TRMT9B: variants seen among roughly 807,000 people sequenced by gnomAD.
The protein encoded by TRMT9B is tRNA methyltransferase 9B (putative).
In TRMT9B, 16 loss-of-function variants were observed where a neutral mutation model predicts 11.5. The observed-to-expected ratio is 1.39, with a 90% confidence interval of 0.94 to 2.11. The LOEUF (loss-of-function observed/expected upper bound fraction) is 2.11. Among genes scored for constraint, TRMT9B ranks in the 30% most tolerant of loss-of-function variants. The pLI, the probability that TRMT9B is intolerant of heterozygous loss-of-function variation, is 0.00. For synonymous variants in TRMT9B, 274 were observed against 192.4 expected (o/e 1.42, Z -3.51); for missense variants, 941 against 553.8 (o/e 1.70, Z -7.02).
intron 1 of TRMT9B, among the ~76,000 whole-genome samples, chr8:12,962,361 A>G (rs1802237153): frequency 6.6e-6 from 1 of 152,184 alleles, no homozygotes; most frequent in Non-Finnish European, 1.5e-5. Flanking sequence ...ATAATTTATG[A>G]TCTCTTGTCT....
At chr8:12,978,393 A>G (rs1224795572) in intron 1 of TRMT9B, among the ~76,000 whole-genome samples, 1 of 152,120 alleles carries the variant, frequency 6.6e-6, no homozygotes, top group African/African-American at 2.4e-5. Flanking sequence ...ATATTTTCCA[A>G]CTTTCTCTAA....
chr8:13,009,817 A>G (rs1811251021), intron 3 of TRMT9B, among the ~76,000 whole-genome samples: 1 of 152,050 alleles, frequency 6.6e-6, no homozygotes, highest in Non-Finnish European at 1.5e-5. Flanking sequence ...TGTTTGCTGT[A>G]TTTTGCCGCT....
chr8:12,952,202 G>A (rs776616456), intron 1 of TRMT9B: 2 of 452,374 alleles, frequency 4.4e-6, no homozygotes, highest in Middle Eastern at 3.3e-4. Context: ...GAAAGCGCCG[G>A]CGACCGGAGC....
At chr8:13,002,199 T>G (rs1202059462) in intron 2 of TRMT9B, among the ~76,000 whole-genome samples, 1 of 152,228 alleles carries the variant, frequency 6.6e-6, no homozygotes, top group African/African-American at 2.4e-5. Flanking sequence ...CTACAAATTC[T>G]GAGCTTGAAA....
chr8:12,953,939 TC>T (rs1563303116), intron 1 of TRMT9B, among the ~76,000 whole-genome samples: 2 of 152,372 alleles, frequency 1.3e-5, no homozygotes, highest in East Asian at 3.9e-4. Context: ...ACACTCTTTT[TC>T]TAACTCCAAA....
At chr8:12,982,095 C>T (rs1168295816) in intron 1 of TRMT9B, among the ~76,000 whole-genome samples, 1 of 152,184 alleles carries the variant, frequency 6.6e-6, no homozygotes, top group Non-Finnish European at 1.5e-5. Flanking sequence ...ATCTATCTGT[C>T]TACATACCTC....
At chr8:12,995,801 A>G (rs1808234527) in intron 2 of TRMT9B, among the ~76,000 whole-genome samples, 1 of 152,138 alleles carries the variant, frequency 6.6e-6, no homozygotes, top group Non-Finnish European at 1.5e-5. Flanking sequence ...GCTTTTAAAT[A>G]TTATAACATT....
At position 13,022,012 on chromosome 8, in the gene TRMT9B, ATCATTGC is replaced by A; in HGVS notation, c.1334_1340del (p.Ile445LysfsTer20). 1 of 1,604,844 alleles carries A rather than the reference ATCATTGC, an allele frequency of 6.2e-7. No homozygotes were observed. The highest frequency in any genetic ancestry group is 1.7e-5 in the Admixed American group (1 of 58,210). On this transcript the variant is annotated frameshift_variant, in exon 5 of 5. Coordinates refer to ENST00000524591, the MANE Select transcript of TRMT9B (RefSeq NM_020844.3). LOFTEE classifies it high-confidence loss of function. ...TGGGAATGATCATGGTAACTGGTGT[ATCATTGC>A]AGAGAAAAAGAGAGGTTGTGATTGA... is the stretch of plus-strand genomic sequence containing the variant.
chr8:12,973,552 T>A lies in TRMT9B; in HGVS notation c.-199-17282T>A, dbSNP rs188792435. The stretch of plus-strand genomic sequence containing the variant: ...CTGAAGAGAGAACAAAGGCACTTGT[T>A]TTCCTTGGACTAGATGTGGGCCACG... On this transcript the variant is annotated intron_variant, in intron 1 of 4. Transcript: ENST00000524591. Among the ~76,000 whole-genome samples the A allele has an allele frequency of 6.6e-5, 10 of 152,306 alleles. No individual in the cohort carries two copies. In the East Asian group the frequency reaches 1.9e-3, roughly 29 times the overall value.
At chr8:12,984,362 C>T (rs1000834921) in intron 1 of TRMT9B, among the ~76,000 whole-genome samples, 3 of 152,160 alleles carry the variant, frequency 2.0e-5, no homozygotes, top group Admixed American at 2.0e-4. Context: ...AATTGTGTTA[C>T]ACTAATATAT....
chr8:13,001,451 G>C (rs1275398673), intron 2 of TRMT9B, among the ~76,000 whole-genome samples: 2 of 152,154 alleles, frequency 1.3e-5, no homozygotes, highest in Non-Finnish European at 1.5e-5. Context: ...CATACTTTTA[G>C]TCTTTTTATA....
chr8:13,000,554 C>T (rs903865604), intron 2 of TRMT9B, among the ~76,000 whole-genome samples: 4 of 152,142 alleles, frequency 2.6e-5, no homozygotes, highest in Admixed American at 1.3e-4. Flanking sequence ...ACATCAACTT[C>T]CCCCAGCAAA....
At chr8:12,947,163 C>A (rs768421096) in intron 1 of TRMT9B, among the ~76,000 whole-genome samples, 4 of 152,102 alleles carry the variant, frequency 2.6e-5, no homozygotes, top group Non-Finnish European at 5.9e-5. Flanking sequence ...CCTTTAAAAC[C>A]AATGAGGCCA....
intron 1 of TRMT9B, among the ~76,000 whole-genome samples, chr8:12,984,967 ACACACACACACACACACACACTCT>A (rs1806012980): frequency 7.0e-6 from 1 of 143,492 alleles, no homozygotes; most frequent in Admixed American, 6.8e-5. Context: ...ACACACACAC[ACACACACACACACACACACACTCT>A]CTCTCTCACA....
intron 1 of TRMT9B, among the ~76,000 whole-genome samples, chr8:12,954,335 C>G (rs1254147887): frequency 3.9e-5 from 6 of 152,186 alleles, no homozygotes; most frequent in Non-Finnish European, 8.8e-5. Context: ...GAGAACTAGT[C>G]TCCAAAATTT....
At chr8:12,978,255 A>G in intron 1 of TRMT9B, among the ~76,000 whole-genome samples, 1 of 152,186 alleles carries the variant, frequency 6.6e-6, no homozygotes, top group Non-Finnish European at 1.5e-5. Context: ...AGGAGAATGC[A>G]GGTGAGCTCC....
At chr8:13,010,621 C>A in intron 3 of TRMT9B, 24 of 985,162 alleles carry the variant, frequency 2.4e-5, no homozygotes, top group Non-Finnish European at 2.9e-5. Context: ...ACCTCTGTTT[C>A]CTTCTTATTA....
rs558227333 is a variant in TRMT9B at position 13,012,500 on chromosome 8, G to A, written c.155-184G>A. On this transcript the variant is annotated intron_variant, in intron 3 of 4. Transcript: ENST00000524591. ...TAAGGCAAGAGAATTGCTTGAACCC[G>A]TGAGGCAGAGGTTGCAGTGAACCGA... 6.6e-5 allele frequency: 48 copies of A among 723,868 alleles called. No homozygotes were observed. The Admixed American group carries it at 6.8e-4, about 10-fold the overall frequency. 44.8% of individuals were successfully genotyped at this position (723,868 alleles called of 1,614,324 possible). A position where few individuals can be genotyped will look rare whatever the true frequency, so the allele number is the denominator to read the frequency against.
At chr8:13,013,078 A>G (rs976778633) in intron 4 of TRMT9B, among the ~76,000 whole-genome samples, 2 of 152,214 alleles carry the variant, frequency 1.3e-5, no homozygotes, top group Non-Finnish European at 2.9e-5. Context: ...TCAACTTGGT[A>G]TTGCAGTTTT....
Sources: allele counts gnomAD v4.1 joint callset (sites outside exome capture counted in the v4.1 genomes callset), GRCh38; gene constraint gnomAD v4.1.1; transcripts MANE v1.5; gene names NCBI Gene and HGNC (gene_info 2026-07-23, HGNC 2026-07-21).